Variants in IGFBP6 observed in about 807,000 individuals in gnomAD.
IGFBP6 encodes the protein insulin like growth factor binding protein 6, also known as insulin-like growth factor-binding protein 6.
A neutral mutation model predicts 24.5 loss-of-function variants in IGFBP6; 24 were observed. The ratio of observed to expected loss-of-function variants is 0.98; its 90% confidence interval spans 0.71 to 1.38. The LOEUF (loss-of-function observed/expected upper bound fraction) is 1.38. Ranked by LOEUF, IGFBP6 falls within the 40% of genes most tolerant of loss-of-function variation. IGFBP6 has a pLI of 0.00. For missense variants in IGFBP6, 331 were observed against 324.8 expected, an observed-to-expected ratio of 1.02 and a Z score of -0.15; for synonymous variants, 147 against 137.4, an observed-to-expected ratio of 1.07 and a Z score of -0.49.
rs1233642356 is a variant in IGFBP6 at position 53,102,216 on chromosome 12, G to A, written c.*49G>A. On this transcript the variant is annotated 3_prime_UTR_variant, in exon 4 of 4. Coordinates refer to ENST00000301464, the MANE Select transcript of IGFBP6 (RefSeq NM_002178.3). Reference sequence around the variant, plus strand: ...GGGCCACTGGAAGGAACATGGAGCTGTCATCACTCAACAAAAAACCGAGGC... The same window carrying A: ...GGGCCACTGGAAGGAACATGGAGCTATCATCACTCAACAAAAAACCGAGGC... 1 of 1,604,692 alleles carries A rather than the reference G, an allele frequency of 6.2e-7. No homozygotes were observed. The highest frequency in any genetic ancestry group is 8.5e-7 in the Non-Finnish European group (1 of 1,175,924).
chr12:53,100,989 A>G, intron 2 of IGFBP6, 52 bp from the exon 3 acceptor site: 1 of 1,606,730 alleles, frequency 6.2e-7, no homozygotes, highest in Non-Finnish European at 8.5e-7. Context: ...AGAAGGTTGG[A>G]ATGGGGAGCT....
intron 3 of IGFBP6, 78 bp from the exon 4 acceptor site, chr12:53,101,967 T>A: frequency 6.7e-6 from 6 of 889,632 alleles, no homozygotes; most frequent in Non-Finnish European, 9.7e-6. Context: ...TTTTACATCC[T>A]CAGACTCAGA....
intron 1 of IGFBP6, among the ~76,000 whole-genome samples, chr12:53,100,505 C>T (rs1376344580): frequency 6.6e-6 from 1 of 152,200 alleles, no homozygotes; most frequent in Admixed American, 6.5e-5. Flanking sequence ...CCTTTATAAG[C>T]CTTAAAAATC....
At position 53,097,701 on chromosome 12, in the gene IGFBP6, G is replaced by A; in HGVS notation, c.-17G>A. 6.5e-7 allele frequency: 1 copy of A among 1,541,284 alleles called. No homozygotes were observed. Among genetic ancestry groups the A allele is most frequent in the Non-Finnish European group, 8.7e-7 (1 of 1,145,746 alleles). On this transcript the variant is annotated 5_prime_UTR_variant, in exon 1 of 4. Coordinates refer to ENST00000301464, the MANE Select transcript of IGFBP6 (RefSeq NM_002178.3). ...GCGACTGCTCTGGAAGGAGAGGACG[G>A]GGCACAAACCCTGACCATGACCCCC...
chr12:53,100,927 T>C, intron 2 of IGFBP6, 70 bp downstream of exon 2: 1 of 1,607,430 alleles, frequency 6.2e-7, no homozygotes, highest in Non-Finnish European at 8.5e-7. Flanking sequence ...GACTGCTCCC[T>C]TGGGCTTGGA....
chr12:53,097,826 C>T lies in IGFBP6; in HGVS notation c.109C>T (p.Gln37Ter). 1 of 1,538,334 alleles carries T rather than the reference C, an allele frequency of 6.5e-7. No individual in the cohort carries two copies. Among genetic ancestry groups the T allele is most frequent in the Middle Eastern group, 1.9e-4 (1 of 5,384 alleles). Residue 37 changes from glutamine to a stop codon, truncating the protein, a stop_gained, in exon 1 of 4, where the codon CAG becomes TAG. Coordinates refer to ENST00000301464, the MANE Select transcript of IGFBP6 (RefSeq NM_002178.3). LOFTEE classifies it high-confidence loss of function. ...GTGCCCAGGCTGCGGGCAAGGGGTG[C>T]AGGCGGGTTGTCCAGGGGGCTGCGT... ...ARCPGCGQGV[Q>*]AGCPGGCVEE...
In IGFBP6 at chr12:53,098,039, C is replaced by T. The variant is rs149886503; in HGVS notation, c.322C>T (p.Arg108Cys). 6.6e-5 allele frequency: 96 copies of T among 1,462,632 alleles called. No homozygotes were observed. Among genetic ancestry groups the T allele is most frequent in the Non-Finnish European group, 7.9e-5 (88 of 1,117,880 alleles). 90.6% of individuals were successfully genotyped at this position (1,462,632 alleles called of 1,614,324 possible). ...LLGRGRCLPA[R>C]APAVAEENPK... ...CGGCCGAGGCCGCTGCCTTCCGGCC[C>T]GCGCGCCTGCTGGTGAGTCCGCGCC... The change falls in exon 1 of 4, where the codon CGC (arginine) becomes TGC (cysteine). Residue 108 changes from arginine (R) to cysteine (C), a missense_variant. Transcript: ENST00000301464.
At chr12:53,101,714 C>G (rs1046228380) in intron 3 of IGFBP6, among the ~76,000 whole-genome samples, 6 of 151,900 alleles carry the variant, frequency 3.9e-5, no homozygotes, top group East Asian at 1.9e-4. Flanking sequence ...CCTGAACAAC[C>G]TGGTGAAACC....
At chr12:53,101,253 C>T in intron 3 of IGFBP6, 93 bp downstream of exon 3, 2 of 1,267,758 alleles carry the variant, frequency 1.6e-6, no homozygotes, top group South Asian at 2.6e-5. Context: ...AAATAAGACA[C>T]TGCCCCATCT....
In IGFBP6 at chr12:53,098,019, G is replaced by A. The variant is rs769691443; in HGVS notation, c.302G>A (p.Arg101Gln). The A allele has an allele frequency of 5.7e-5, 86 of 1,498,642 alleles. No homozygotes were observed. Among genetic ancestry groups the A allele is most frequent in the Non-Finnish European group, 1.6e-5 (18 of 1,132,778 alleles). The allele number at this position is 1,498,642 out of a possible 1,614,324, so 92.8% of individuals were successfully genotyped here. A position where few individuals can be genotyped will look rare whatever the true frequency, so the allele number is the denominator to read the frequency against. ...CCTTTGCGGGCGCTGCTGCTCGGCC[G>A]AGGCCGCTGCCTTCCGGCCCGCGCG... is the stretch of plus-strand genomic sequence containing the variant. ...EAPLRALLLG[R>Q]GRCLPARAPA... The change falls in exon 1 of 4, where the codon CGA (arginine) becomes CAA (glutamine). Residue 101 changes from arginine to glutamine, a missense_variant. By Grantham distance (43) the Arg-to-Gln change is conservative. Transcript: ENST00000301464.
chr12:53,100,868 A>C lies in IGFBP6; in HGVS notation c.480+11A>C, dbSNP rs1183566791. ...CAAGACACTGAGATGGTGCGTTTGG[A>C]GCTGGTAGGGAGCAGGAGGGGTGGG... On this transcript the variant is annotated intron_variant, in intron 2 of 3. Transcript: ENST00000301464. 3 of 1,613,866 alleles carry C rather than the reference A, an allele frequency of 1.9e-6. No individual in the cohort carries two copies. Among genetic ancestry groups the C allele is most frequent in the Non-Finnish European group, 2.5e-6 (3 of 1,180,010 alleles).
rs1038481485 is a variant in IGFBP6, at chr12:53,102,340, C to A, written c.*173C>A. ...GTGTCAATAAAGCTGTGCTTGGGGT[C>A]GCTGGCTTGTGTCTCTGTGTCTGCC... On this transcript the variant is annotated 3_prime_UTR_variant, in exon 4 of 4. Transcript: ENST00000301464. The A allele has an allele frequency of 1.5e-6, 1 of 666,084 alleles. No homozygotes were observed. Among genetic ancestry groups the A allele is most frequent in the Non-Finnish European group, 2.5e-6 (1 of 408,154 alleles). 41.3% of individuals were successfully genotyped at this position (666,084 alleles called of 1,614,324 possible).
At position 53,097,847 on chromosome 12, in the gene IGFBP6, T is replaced by C; in HGVS notation, c.130T>C (p.Cys44Arg). The C allele has an allele frequency of 6.5e-7, 1 of 1,527,128 alleles. No homozygotes were observed. Among genetic ancestry groups the C allele is most frequent in the East Asian group, 2.5e-5 (1 of 40,462 alleles). 94.6% of individuals were successfully genotyped at this position (1,527,128 alleles called of 1,614,324 possible). ...QGVQAGCPGG[C>R]VEEEDGGSPA... ...GGTGCAGGCGGGTTGTCCAGGGGGC[T>C]GCGTGGAGGAGGAGGATGGGGGGTC... is the stretch of plus-strand genomic sequence containing the variant. The change falls in exon 1 of 4, where the codon TGC becomes CGC. Residue 44 changes from cysteine (C) to arginine (R), a missense_variant. Coordinates refer to ENST00000301464, the MANE Select transcript of IGFBP6 (RefSeq NM_002178.3).
intron 1 of IGFBP6, among the ~76,000 whole-genome samples, chr12:53,099,574 A>G (rs187479804): frequency 1.3e-5 from 2 of 152,010 alleles, no homozygotes; most frequent in Non-Finnish European, 2.9e-5. Flanking sequence ...CCCCCCTCCT[A>G]CATCCGTTGC....
chr12:53,100,767 G>A lies in IGFBP6; in HGVS notation c.390G>A (p.Gln130=), dbSNP rs781377198. The part of the protein sequence containing the change: ...SKPQAGTARP[Q]DVNRRDQQRN... ...CCCAAGCAGGCACTGCCCGCCCACA[G>A]GATGTGAACCGCAGAGACCAACAGA... Residue 130 remains glutamine (Q), a synonymous_variant, in exon 2 of 4, where the codon CAG becomes CAA. Transcript: ENST00000301464. 3 of 1,614,200 alleles carry A rather than the reference G, an allele frequency of 1.9e-6. No individual in the cohort carries two copies. The highest frequency in any genetic ancestry group is 2.2e-5 in the East Asian group (1 of 44,884).
At chr12:53,099,944 C>T (rs1055358617) in intron 1 of IGFBP6, among the ~76,000 whole-genome samples, 4 of 149,718 alleles carry the variant, frequency 2.7e-5, no homozygotes, top group Admixed American at 1.3e-4. Flanking sequence ...CTGCAACCTC[C>T]GCCCCCCCGA....
At chr12:53,101,764 T>C (rs942356435) in intron 3 of IGFBP6, among the ~76,000 whole-genome samples, 2 of 151,742 alleles carry the variant, frequency 1.3e-5, no homozygotes, top group African/African-American at 4.8e-5. Context: ...CCAGATGTGG[T>C]GGCATGCACC....
chr12:53,102,291 G>C lies in IGFBP6; in HGVS notation c.*124G>C. 8.8e-7 allele frequency: 1 copy of C among 1,131,282 alleles called. No individual in the cohort carries two copies. The allele number at this position is 1,131,282 out of a possible 1,614,324, so 70.1% of individuals were successfully genotyped here. A position where few individuals can be genotyped will look rare whatever the true frequency, so the allele number is the denominator to read the frequency against. ...CCCATGGGCCCCTCACCGCTGGTTG[G>C]AAAGAGTGTTGGTGTTGGCTGGGGT... On this transcript the variant is annotated 3_prime_UTR_variant, in exon 4 of 4. Coordinates refer to ENST00000301464, the MANE Select transcript of IGFBP6 (RefSeq NM_002178.3).
At position 53,097,816 on chromosome 12, in the gene IGFBP6, G is replaced by A. The variant is rs1255242579; in HGVS notation, c.99G>A (p.Gly33=). Residue 33 remains glycine, a synonymous_variant, in exon 1 of 4, where the codon GGG becomes GGA. Transcript: ENST00000301464. ...GGALARCPGC[G]QGVQAGCPGG... The stretch of plus-strand genomic sequence containing the variant: ...CCTTGGCGCGGTGCCCAGGCTGCGG[G>A]CAAGGGGTGCAGGCGGGTTGTCCAG... 3.9e-6 allele frequency: 6 copies of A among 1,540,990 alleles called. No individual in the cohort carries two copies. The highest frequency in any genetic ancestry group is 4.4e-6 in the Non-Finnish European group (5 of 1,145,326).
Sources: allele counts gnomAD v4.1 joint callset (sites outside exome capture counted in the v4.1 genomes callset), GRCh38; gene constraint gnomAD v4.1.1; transcripts MANE v1.5; gene names NCBI Gene and HGNC (gene_info 2026-07-23, HGNC 2026-07-21).